The following GRIN2A variants were observed in gnomAD, a reference collection of about 807,000 sequenced individuals.
GRIN2A encodes the protein glutamate receptor ionotropic, NMDA 2A.
In GRIN2A, 22 loss-of-function variants were observed where a neutral mutation model predicts 113.4. That is an observed-to-expected ratio of 0.19 (90% CI 0.14 to 0.28). GRIN2A has a LOEUF of 0.28. Ranked by LOEUF, GRIN2A falls within the 10% of genes least tolerant of loss-of-function variation. The pLI, the probability that GRIN2A is intolerant of heterozygous loss-of-function variation, is 1.00. For missense variants in GRIN2A, 1,502 were observed against 1,887.0 expected, an observed-to-expected ratio of 0.80 and a Z score of 3.78; for synonymous variants, 827 against 738.4, an observed-to-expected ratio of 1.12 and a Z score of -1.94.
chr16:9,820,019 T>C (rs751303841), intron 10 of GRIN2A, among the ~76,000 whole-genome samples: 3 of 151,376 alleles, frequency 2.0e-5, no homozygotes, highest in Admixed American at 2.0e-4. Flanking sequence ...ACATGGGAGA[T>C]TGAGTATAGA....
intron 7 of GRIN2A, among the ~76,000 whole-genome samples, chr16:9,838,233 G>T (rs1274255111): frequency 2.0e-5 from 3 of 152,070 alleles, no homozygotes; most frequent in South Asian, 2.1e-4. Flanking sequence ...GTTTTCCCAG[G>T]GGGGAGATTT....
chr16:9,991,439 A>C (rs2046110768), intron 2 of GRIN2A, among the ~76,000 whole-genome samples: 1 of 152,194 alleles, frequency 6.6e-6, no homozygotes, highest in African/African-American at 2.4e-5. Flanking sequence ...ATACAACTGC[A>C]TTTTTGTTAT....
At chr16:10,032,087 G>A (rs1346845774) in intron 2 of GRIN2A, among the ~76,000 whole-genome samples, 3 of 152,148 alleles carry the variant, frequency 2.0e-5, no homozygotes, top group Admixed American at 6.5e-5. Context: ...TTTGAAATAT[G>A]TCCCTCCTTC....
intron 2 of GRIN2A, among the ~76,000 whole-genome samples, chr16:9,959,526 C>G (rs568939915): frequency 6.6e-6 from 1 of 152,326 alleles, no homozygotes; most frequent in South Asian, 2.1e-4. Flanking sequence ...ACCCAAGCTA[C>G]CGATGTGCAA....
chr16:9,842,965 G>GAGAGAGGA, intron 5 of GRIN2A, among the ~76,000 whole-genome samples: 1 of 150,320 alleles, frequency 6.7e-6, no homozygotes, highest in East Asian at 2.0e-4. Flanking sequence ...GAGAGAGAGA[G>GAGAGAGGA]AGAGAGGAAG....
intron 3 of GRIN2A, among the ~76,000 whole-genome samples, chr16:9,903,710 T>C (rs1246027039): frequency 6.6e-6 from 1 of 152,188 alleles, no homozygotes; most frequent in East Asian, 1.9e-4. Flanking sequence ...CTTCCAACTC[T>C]CAACCCCTGT....
rs58757580 is a variant in GRIN2A, at chr16:10,062,427, C to G, written c.414+117571G>C. Among the ~76,000 whole-genome samples, 1,087 of 152,356 alleles carry G rather than the reference C, an allele frequency of 7.1e-3. 10 individuals carry two copies. The highest frequency in any genetic ancestry group is 0.025 in the African/African-American group (1,029 of 41,570). ...CAACTGGTCACCAGACCAACAGCAT[C>G]CAGACCTTTCTAGAAATGCAAATTG... On this transcript the variant is annotated intron_variant, in intron 2 of 12. Transcript: ENST00000330684.
chr16:9,963,706 A>G (rs2045490995), intron 2 of GRIN2A, among the ~76,000 whole-genome samples: 1 of 152,216 alleles, frequency 6.6e-6, no homozygotes, highest in African/African-American at 2.4e-5. Flanking sequence ...TAATTACTAC[A>G]GGTTTATTAA....
At chr16:9,831,215 G>A (rs1015889161) in intron 8 of GRIN2A, among the ~76,000 whole-genome samples, 1 of 152,220 alleles carries the variant, frequency 6.6e-6, no homozygotes, top group Non-Finnish European at 1.5e-5. Flanking sequence ...CTTTACAATA[G>A]TCTTTCCAGC....
At chr16:10,066,782 C>T (rs955876083) in intron 2 of GRIN2A, among the ~76,000 whole-genome samples, 9 of 152,148 alleles carry the variant, frequency 5.9e-5, no homozygotes, top group African/African-American at 1.9e-4. Flanking sequence ...GTGCCCAGCT[C>T]AGCAGTAGGC....
intron 2 of GRIN2A, among the ~76,000 whole-genome samples, chr16:10,164,263 GA>G (rs2049862627): frequency 6.6e-6 from 1 of 152,254 alleles, no homozygotes; most frequent in Non-Finnish European, 1.5e-5. Flanking sequence ...ACTCTGTACA[GA>G]ACCTTCCTTG....
At chr16:9,773,080 A>C (rs1030308854) in intron 11 of GRIN2A, among the ~76,000 whole-genome samples, 1 of 152,156 alleles carries the variant, frequency 6.6e-6, no homozygotes, top group African/African-American at 2.4e-5. Flanking sequence ...TTTTTAATTT[A>C]CTCAAGTATA....
intron 11 of GRIN2A, among the ~76,000 whole-genome samples, chr16:9,782,411 A>T (rs1901989982): frequency 6.6e-6 from 1 of 152,192 alleles, no homozygotes; most frequent in African/African-American, 2.4e-5. Flanking sequence ...ATCCTCCACA[A>T]TACTGAGGGA....
At chr16:9,837,734 AT>A (rs1236406399) in intron 7 of GRIN2A, among the ~76,000 whole-genome samples, 1 of 152,170 alleles carries the variant, frequency 6.6e-6, no homozygotes, top group African/African-American at 2.4e-5. Flanking sequence ...AAGATTCTGC[AT>A]GTGTTGTCAA....
At chr16:9,814,916 A>C (rs902205743) in intron 10 of GRIN2A, among the ~76,000 whole-genome samples, 2 of 151,808 alleles carry the variant, frequency 1.3e-5, no homozygotes, top group Admixed American at 1.3e-4. Flanking sequence ...GCTACTCGGG[A>C]AGGCTGAGGC....
At chr16:9,918,033 T>C (rs1158104793) in intron 3 of GRIN2A, among the ~76,000 whole-genome samples, 3 of 152,204 alleles carry the variant, frequency 2.0e-5, no homozygotes, top group African/African-American at 4.8e-5. Flanking sequence ...CCAGCATTCA[T>C]AGATCACTTA....
intron 2 of GRIN2A, among the ~76,000 whole-genome samples, chr16:9,997,578 G>A (rs1435469604): frequency 6.6e-6 from 1 of 151,962 alleles, no homozygotes. Context: ...CCCCAACATC[G>A]ACCATTCTTG....
chr16:9,776,717 A>C (rs1178418310), intron 11 of GRIN2A, among the ~76,000 whole-genome samples: 1 of 152,076 alleles, frequency 6.6e-6, no homozygotes, highest in African/African-American at 2.4e-5. Flanking sequence ...CGCTGTGAAC[A>C]CCGAGAGGGT....
intron 2 of GRIN2A, among the ~76,000 whole-genome samples, chr16:10,061,314 C>A (rs1375934543): frequency 6.6e-6 from 1 of 152,194 alleles, no homozygotes; most frequent in Non-Finnish European, 1.5e-5. Context: ...CAACCCTCAA[C>A]CACCTACCTC....
Sources: allele counts gnomAD v4.1 joint callset (sites outside exome capture counted in the v4.1 genomes callset), GRCh38; gene constraint gnomAD v4.1.1; transcripts MANE v1.5; gene names NCBI Gene and HGNC (gene_info 2026-07-23, HGNC 2026-07-21).